Variants in CACNA1F observed in about 807,000 individuals in gnomAD.
The protein encoded by CACNA1F is calcium voltage-gated channel subunit alpha1 F, also known as voltage-dependent L-type calcium channel subunit alpha-1F.
A neutral mutation model predicts 143.8 loss-of-function variants in CACNA1F; 59 were observed. The ratio of observed to expected loss-of-function variants is 0.41; its 90% CI spans 0.33 to 0.51. CACNA1F has a LOEUF of 0.51. Among genes scored for constraint, CACNA1F ranks in the 20% least tolerant of loss-of-function variants. CACNA1F has a pLI of 0.22. For missense variants in CACNA1F, 1,411 were observed against 1,647.5 expected (o/e 0.86, Z 2.48); for synonymous variants, 643 against 649.1 (o/e 0.99, Z 0.14).
At chrX:49,219,139 C>T (rs1301271691) in intron 21 of CACNA1F, among the ~76,000 whole-genome samples, 182 bp downstream of exon 21, 2 of 111,554 alleles carry the variant, frequency 1.8e-5, no homozygotes, top group African/African-American at 6.5e-5. Context: ...TGATCTCCTC[C>T]CTGGTGCTTC....
intron 32 of CACNA1F, 86 bp from the exon 33 acceptor site, chrX:49,212,881 A>T: frequency 8.5e-7 from 1 of 1,170,761 alleles, no homozygotes; most frequent in Non-Finnish European, 1.2e-6. Flanking sequence ...CCCAGTACCC[A>T]AATCACTCAG....
intron 1 of CACNA1F, among the ~76,000 whole-genome samples, chrX:49,232,202 G>A (rs868920903): frequency 9.0e-6 from 1 of 111,288 alleles, no homozygotes; most frequent in African/African-American, 3.3e-5. Context: ...TGGGGTGGGC[G>A]AATTTAAGGT....
At chrX:49,228,496 C>T (rs782707196) in intron 6 of CACNA1F, 49 bp from the exon 7 acceptor site, 3 of 1,023,357 alleles carry the variant, frequency 2.9e-6, no homozygotes, top group South Asian at 2.0e-5. Flanking sequence ...CACTCTCAGT[C>T]GCTGCCACCC....
intron 37 of CACNA1F, 139 bp from the exon 38 acceptor site, chrX:49,210,825 G>C: frequency 1.2e-6 from 1 of 844,988 alleles, no homozygotes; most frequent in South Asian, 2.2e-5. Flanking sequence ...GTCAGAGAGG[G>C]CAGAGGATGG....
rs372686339 is a variant in CACNA1F, at chrX:49,218,445, G to T, written c.2928+10C>A. On this transcript the variant is annotated intron_variant, in intron 24 of 47. Transcript: ENST00000323022. ...CCTGGGTCCTGTGGGTTTGGGTGGGGTGGGGTTACCTTGAGTCCCTTGGCC... is the reference window on the plus strand; with the variant it reads ...CCTGGGTCCTGTGGGTTTGGGTGGGTTGGGGTTACCTTGAGTCCCTTGGCC... 16 of 1,164,226 alleles carry T rather than the reference G, an allele frequency of 1.4e-5. No homozygotes were observed. In the African/African-American group the frequency reaches 2.9e-4, roughly 21 times the overall value.
At chrX:49,231,058 G>T in intron 3 of CACNA1F, 69 bp from the exon 4 acceptor site, 1 of 917,787 alleles carries the variant, frequency 1.1e-6, no homozygotes, top group Non-Finnish European at 1.6e-6. Context: ...TGACGGGGGC[G>T]TGGGGAGCAT....
rs782554543 is a variant in CACNA1F at position 49,206,761 on chromosome X, G to C, written c.5326C>G (p.Pro1776Ala). The C allele has an allele frequency of 8.3e-7, 1 of 1,208,087 alleles. No individual in the cohort carries two copies. The highest frequency in any genetic ancestry group is 2.2e-5 in the Admixed American group (1 of 45,962). Reference sequence around the variant, plus strand: ...GTGGGGGGCAGCAGACGGCGGCGTGGTACCAGGTGCCCATCCATGTATCTC... The same window carrying C: ...GTGGGGGGCAGCAGACGGCGGCGTGCTACCAGGTGCCCATCCATGTATCTC... ...AQRYMDGHLV[P>A]RRRLLPPTPA... Residue 1776 changes from proline (P) to alanine (A), a missense_variant, in exon 45 of 48, where the codon CCA becomes GCA. Physicochemically the swap from Pro to Ala is conservative, Grantham distance 27. Around this residue, in one of 3 missense-constraint regions of CACNA1F, gnomAD observed 349 missense variants for 350.2 expected, o/e 1.00. Coordinates refer to ENST00000323022, the MANE Select transcript of CACNA1F (RefSeq NM_001256789.3).
rs1557109022 is a variant in CACNA1F, at chrX:49,222,847, G to A, written c.2086-9C>T. 8.3e-7 allele frequency: 1 copy of A among 1,211,413 alleles called. No homozygotes were observed. ...TCCTCACCTGTCAGGATCTGGGGGT[G>A]GGAAGTCACTGTGGAGCTCTTGGAC... On this transcript the variant is annotated splice_polypyrimidine_tract_variant and intron_variant, in intron 15 of 47. Coordinates refer to ENST00000323022, the MANE Select transcript of CACNA1F (RefSeq NM_001256789.3).
chrX:49,228,260 C>A lies in CACNA1F; in HGVS notation c.1005G>T (p.Val335=). The change falls in exon 7 of 48, where the codon GTG becomes GTT. Residue 335 remains valine (V), a synonymous_variant. Transcript: ENST00000323022. ...CCACAGTCCACCTCACCCAGTAGAG[C>A]ACATCGGTCCAGCCTTCCATGGTGA... ...QCVTMEGWTD[V]LYWMQDAMGY... 8.3e-7 allele frequency: 1 copy of A among 1,211,140 alleles called. No homozygotes were observed. The highest frequency in any genetic ancestry group is 1.1e-6 in the Non-Finnish European group (1 of 894,698).
In CACNA1F at chrX:49,231,398, G is replaced by A. The variant is rs962420172; in HGVS notation, c.276-91C>T. The A allele has an allele frequency of 1.9e-5, 13 of 701,370 alleles. No homozygotes were observed. The South Asian group carries it at 2.5e-4, about 14-fold the overall frequency. The allele number at this position is 701,370 out of a possible 1,213,427, so 57.8% of individuals were successfully genotyped here. ...CTCCCACCCAGTGCTGACCCTTGAC[G>A]CCCAAGGTGACAGGTCCTGGCATTC... On this transcript the variant is annotated intron_variant, in intron 2 of 47. Transcript: ENST00000323022.
rs981141824 is a variant in CACNA1F at position 49,210,616 on chromosome X, G to T, written c.4459C>A (p.Leu1487Met). ...RIQPPLGFGK[L>M]CPHRVACKRL... ...TTGCAGGCCACTCGGTGTGGGCACA[G>T]CTTCCCAAATCCCAGAGGGGGCTGG... The change falls in exon 38 of 48, where the codon CTG becomes ATG. Residue 1487 changes from leucine (L) to methionine (M), a missense_variant. Leu to Met is a conservative substitution (Grantham distance 15). Coordinates refer to ENST00000323022, the MANE Select transcript of CACNA1F (RefSeq NM_001256789.3). 1.7e-6 allele frequency: 2 copies of T among 1,210,898 alleles called. No homozygotes were observed. Among genetic ancestry groups the T allele is most frequent in the Non-Finnish European group, 2.2e-6 (2 of 894,770 alleles).
Position 49,206,845 on chromosome X carries a change from G to C in CACNA1F, c.5242C>G (p.Leu1748Val). ...GGGGGAGTCCCTGCCTGCTCATCTA[G>C]GTAGGAAAGCCTGTGTGGGTGGGAG... ...DEEVPDRLSY[L>V]DEQAGTPPCS... The change falls in exon 45 of 48, where the codon CTA becomes GTA. Residue 1748 changes from leucine to valine, a missense_variant. This residue lies in a region of CACNA1F where 349 missense variants were observed against 350.2 expected (regional missense o/e 1.00). Transcript: ENST00000323022. 4.2e-6 allele frequency: 5 copies of C among 1,204,773 alleles called. No individual in the cohort carries two copies. Among genetic ancestry groups the C allele is most frequent in the Non-Finnish European group, 5.6e-6 (5 of 891,323 alleles).
In CACNA1F at chrX:49,224,950, A is replaced by C. The variant is rs1557109539; in HGVS notation, c.1688T>G (p.Val563Gly). The stretch of plus-strand genomic sequence containing the variant: ...ACCGTACAATTTGAGAAGCATCTCC[A>C]CCGTGAACAGACAGAGCAACACTTT... ...ANKVLLCLFT[V>G]EMLLKLYGLG... Residue 563 changes from valine (V) to glycine (G), a missense_variant, in exon 14 of 48, where the codon GTG (valine) becomes GGG (glycine). Transcript: ENST00000323022. 9 of 1,201,281 alleles carry C rather than the reference A, an allele frequency of 7.5e-6. No individual in the cohort carries two copies. The highest frequency in any genetic ancestry group is 9.0e-6 in the Non-Finnish European group (8 of 886,855).
intron 14 of CACNA1F, among the ~76,000 whole-genome samples, chrX:49,224,021 C>T (rs1192988567): frequency 1.8e-5 from 2 of 111,267 alleles, no homozygotes; most frequent in African/African-American, 6.5e-5. Context: ...CGTGAGCCAC[C>T]GCATCCAGCC....
At chrX:49,225,769 G>C (rs2065816788) in intron 13 of CACNA1F, 140 bp downstream of exon 13, 1 of 478,971 alleles carries the variant, frequency 2.1e-6, no homozygotes. Context: ...GGATGGGACA[G>C]GCTAAGGGCT....
At chrX:49,232,731 T>C (rs2065889284) in intron 1 of CACNA1F, among the ~76,000 whole-genome samples, 1 of 111,633 alleles carries the variant, frequency 9.0e-6, no homozygotes, top group South Asian at 3.7e-4. Context: ...AGTGGCTGAA[T>C]GGGGAGTCAC....
At chrX:49,214,314 C>T in intron 29 of CACNA1F, 45 bp from the exon 30 acceptor site, 1 of 775,480 alleles carries the variant, frequency 1.3e-6, no homozygotes, top group Non-Finnish European at 2.0e-6. Flanking sequence ...GGCAGAGATG[C>T]CGCCACACCC....
rs1242974264 is a variant in CACNA1F, at chrX:49,212,235, C to T, written c.4008+8G>A. 8.3e-7 allele frequency: 1 copy of T among 1,197,887 alleles called. No homozygotes were observed. Among genetic ancestry groups the T allele is most frequent in the Admixed American group, 2.2e-5 (1 of 45,682 alleles). On this transcript the variant is annotated splice_region_variant and intron_variant, in intron 34 of 47. Coordinates refer to ENST00000323022, the MANE Select transcript of CACNA1F (RefSeq NM_001256789.3). ...GCTTAAGGGATGCTTCCTAGGGTCC[C>T]CACTTGCCTGCATGCCAATGACGGC... is the stretch of plus-strand genomic sequence containing the variant.
intron 26 of CACNA1F, among the ~76,000 whole-genome samples, 172 bp from the exon 27 acceptor site, chrX:49,216,700 T>G (rs2065721090): frequency 8.9e-6 from 1 of 111,862 alleles, no homozygotes; most frequent in African/African-American, 3.3e-5. Flanking sequence ...ACCCTTTCTG[T>G]GCTTCTGTTT....
Sources: allele counts gnomAD v4.1 joint callset (sites outside exome capture counted in the v4.1 genomes callset), GRCh38; gene constraint gnomAD v4.1.1; regional missense constraint gnomAD v4.1.1; transcripts MANE v1.5; gene names NCBI Gene and HGNC (gene_info 2026-07-23, HGNC 2026-07-21).